Variants in DNAH3 observed in about 807,000 individuals in gnomAD.
DNAH3 encodes the protein axonemal beta dynein heavy chain 3.
Under a neutral mutation model 432.5 loss-of-function variants are expected in DNAH3, and 332 were observed. The observed-to-expected ratio is 0.77, with a 90% CI of 0.70 to 0.84. DNAH3 has a LOEUF of 0.84. Ranked by LOEUF, DNAH3 falls within the 40% of genes least tolerant of loss-of-function variation. The probability of loss-of-function intolerance (pLI) is 0.00; values close to 1 mark genes in which losing one functional copy is unlikely to be tolerated. For missense variants in DNAH3, 4,861 were observed against 5,114.0 expected (o/e 0.95, Z 1.51); for synonymous variants, 1,956 against 1,900.2 (o/e 1.03, Z -0.76).
chr16:21,154,013 T>C (rs1319522433), intron 1 of DNAH3, among the ~76,000 whole-genome samples: 2 of 152,266 alleles, frequency 1.3e-5, no homozygotes, highest in East Asian at 1.9e-4. Flanking sequence ...CTGGAGACTC[T>C]GGTTTAGACG....
chr16:21,124,239 C>T (rs2092401409), intron 9 of DNAH3, among the ~76,000 whole-genome samples: 1 of 152,162 alleles, frequency 6.6e-6, no homozygotes, highest in Non-Finnish European at 1.5e-5. Context: ...CTACAGCACT[C>T]CCTCAATATC....
intron 60 of DNAH3, 101 bp from the exon 61 acceptor site, chr16:20,935,586 A>G: frequency 7.3e-7 from 1 of 1,366,636 alleles, no homozygotes; most frequent in Non-Finnish European, 9.9e-7. Context: ...GTTTTTTCAT[A>G]TTTTTCTTGA....
intron 44 of DNAH3, among the ~76,000 whole-genome samples, chr16:20,995,983 G>C (rs1160512464): frequency 6.6e-5 from 10 of 152,226 alleles, no homozygotes; most frequent in African/African-American, 2.4e-4. Flanking sequence ...ATAATTGCAC[G>C]TCTTGCAGCT....
intron 42 of DNAH3, among the ~76,000 whole-genome samples, chr16:21,000,953 T>C (rs1161997524): frequency 6.6e-6 from 1 of 152,206 alleles, no homozygotes; most frequent in Non-Finnish European, 1.5e-5. Flanking sequence ...GCTGTGCTCC[T>C]AGAGCATTGC....
chr16:21,014,490 TA>T (rs2087765674), intron 41 of DNAH3, among the ~76,000 whole-genome samples: 1 of 152,212 alleles, frequency 6.6e-6, no homozygotes, highest in Admixed American at 6.5e-5. Context: ...AACCTTCAGC[TA>T]AACATCACAC....
At chr16:21,111,036 G>A (rs998072311) in intron 14 of DNAH3, among the ~76,000 whole-genome samples, 2 of 151,938 alleles carry the variant, frequency 1.3e-5, no homozygotes, top group African/African-American at 2.4e-5. Context: ...TAGAAAATTC[G>A]CCAGCCATGA....
intron 27 of DNAH3, among the ~76,000 whole-genome samples, chr16:21,056,807 T>A (rs1034142077): frequency 1.3e-5 from 2 of 152,078 alleles, no homozygotes; most frequent in Non-Finnish European, 2.9e-5. Flanking sequence ...TCCACCTCCA[T>A]CACAAAAAGT....
Position 20,933,499 on chromosome 16 carries a change from T to G in DNAH3, c.12006A>C (p.Pro4002=). ...GGTTATTCTCCATCACTGTTTCTTG[T>G]GGGGTTACCTGGAAGAATAAAAAGC... Residue 4002 remains proline, a synonymous_variant, in exon 62 of 62, where the codon CCA becomes CCC. Coordinates refer to ENST00000261383, the Ensembl canonical transcript of DNAH3. The G allele has an allele frequency of 3.2e-6, 5 of 1,579,176 alleles. No homozygotes were observed. The South Asian group carries it at 5.8e-5, about 18-fold the overall frequency.
chr16:21,120,912 G>T, intron 10 of DNAH3: 1 of 1,309,848 alleles, frequency 7.6e-7, no homozygotes, highest in East Asian at 2.4e-5. Context: ...TCCTTCCTAG[G>T]GATACTGGTT....
exon 15 of DNAH3, chr16:21,106,643 T>C: frequency 6.2e-7 from 1 of 1,603,878 alleles, no homozygotes; most frequent in Non-Finnish European, 8.5e-7. Context: ...TCACTGACTT[T>C]GTCTGCGATG....
At chr16:21,036,758 T>C (rs1237615975) in exon 35 of DNAH3, 2 of 1,614,174 alleles carry the variant, frequency 1.2e-6, no homozygotes, top group Non-Finnish European at 1.7e-6. Flanking sequence ...TGGAGTTTCA[T>C]CTTTTTGATG....
At chr16:21,125,241 C>G in exon 9 of DNAH3, 2 of 1,613,794 alleles carry the variant, frequency 1.2e-6, no homozygotes, top group South Asian at 2.2e-5. Context: ...TAAGCTGCAG[C>G]GACATGAATG....
chr16:21,048,090 AG>A (rs1243575167), intron 31 of DNAH3, among the ~76,000 whole-genome samples: 1 of 152,232 alleles, frequency 6.6e-6, no homozygotes, highest in Non-Finnish European at 1.5e-5. Flanking sequence ...GCTGTCAGAC[AG>A]GGACATTTAA....
chr16:20,964,995 C>T, exon 53 of DNAH3: 1 of 1,614,164 alleles, frequency 6.2e-7, no homozygotes, highest in Non-Finnish European at 8.5e-7. Context: ...CCCTGACCAG[C>T]TTTTGGGAGC....
chr16:20,974,579 GTTTTTTTTTTT>G (rs752437227), intron 51 of DNAH3, among the ~76,000 whole-genome samples: 26 of 81,832 alleles, frequency 3.2e-4, no homozygotes, highest in African/African-American at 1.0e-3. Context: ...GTTTTATAGT[GTTTTTTTTTTT>G]TTTTTTTTTT....
intron 21 of DNAH3, among the ~76,000 whole-genome samples, chr16:21,075,087 T>G (rs2090927683): frequency 6.6e-6 from 1 of 152,186 alleles, no homozygotes; most frequent in East Asian, 1.9e-4. Context: ...CATTGACATC[T>G]GAGAAACACT....
At chr16:21,036,110 A>T (rs2152727868) in intron 35 of DNAH3, among the ~76,000 whole-genome samples, 1 of 152,310 alleles carries the variant, frequency 6.6e-6, no homozygotes, top group South Asian at 2.1e-4. Context: ...GGATCACCTG[A>T]GGTCAGGAGT....
chr16:21,127,808 T>C, exon 8 of DNAH3: 1 of 1,614,012 alleles, frequency 6.2e-7, no homozygotes, highest in South Asian at 1.1e-5. Flanking sequence ...CTGAGGTCTC[T>C]GAATCTGCCA....
At chr16:21,121,536 ATTGAGG>A (rs1337059598) in intron 10 of DNAH3, among the ~76,000 whole-genome samples, 2 of 151,726 alleles carry the variant, frequency 1.3e-5, no homozygotes, top group African/African-American at 4.8e-5. Flanking sequence ...TATCTGATTC[ATTGAGG>A]TTGACATCAT....
Sources: allele counts gnomAD v4.1 joint callset (sites outside exome capture counted in the v4.1 genomes callset), GRCh38; gene constraint gnomAD v4.1.1; transcripts MANE v1.5; gene names NCBI Gene and HGNC (gene_info 2026-07-23, HGNC 2026-07-21).